EPCAM: variants seen among roughly 807,000 people sequenced by gnomAD.
The protein encoded by EPCAM is epithelial cell adhesion molecule.
EPCAM carries 39 observed loss-of-function variants against 40.0 expected under a neutral mutation model. The ratio of observed to expected loss-of-function variants is 0.98; its 90% CI spans 0.76 to 1.27. EPCAM has a LOEUF of 1.27. Ranked by LOEUF, EPCAM falls within the 50% of genes most tolerant of loss-of-function variation. The pLI, the probability that EPCAM is intolerant of heterozygous loss-of-function variation, is 0.00. For synonymous variants in EPCAM, 168 were observed against 132.3 expected (o/e 1.27, Z -1.85); for missense variants, 503 against 381.2 (o/e 1.32, Z -2.66).
chr2:47,385,570 C>A (rs1671723231), intron 8 of EPCAM, among the ~76,000 whole-genome samples: 1 of 152,276 alleles, frequency 6.6e-6, no homozygotes, highest in Admixed American at 6.5e-5. Flanking sequence ...GTGAAATAAT[C>A]ATTTAATATG....
chr2:47,370,354 T>C (rs1671224841), intron 1 of EPCAM, among the ~76,000 whole-genome samples: 1 of 147,900 alleles, frequency 6.8e-6, no homozygotes, highest in African/African-American at 2.5e-5. Flanking sequence ...TCACTGCAAC[T>C]TTCGCCTCCC....
At position 47,386,754 on chromosome 2, in the gene EPCAM, C is replaced by G; in HGVS notation, c.*141C>G. On this transcript the variant is annotated 3_prime_UTR_variant, in exon 9 of 9. Coordinates refer to ENST00000263735, the MANE Select transcript of EPCAM (RefSeq NM_002354.3). ...TATATTTGTAATAGTGAAACCTGTA[C>G]TCAAAATATAAGCAGCTTGAAACTG... 1.5e-6 allele frequency: 1 copy of G among 646,596 alleles called. No individual in the cohort carries two copies. The allele number at this position is 646,596 out of a possible 1,614,324, so 40.1% of individuals were successfully genotyped here.
intron 7 of EPCAM, among the ~76,000 whole-genome samples, chr2:47,380,465 A>G (rs1015483571): frequency 6.6e-6 from 1 of 152,214 alleles, no homozygotes; most frequent in Non-Finnish European, 1.5e-5. Context: ...TTATGAAGCA[A>G]GAAAGGATGC....
intron 7 of EPCAM, among the ~76,000 whole-genome samples, chr2:47,381,848 C>T (rs936759210): frequency 1.3e-5 from 2 of 152,130 alleles, no homozygotes; most frequent in Non-Finnish European, 2.9e-5. Flanking sequence ...CTCACTGCAA[C>T]CTCCAATTCC....
chr2:47,370,411 G>A (rs1326463789), intron 1 of EPCAM, among the ~76,000 whole-genome samples: 2 of 150,626 alleles, frequency 1.3e-5, no homozygotes, highest in Admixed American at 1.3e-4. Context: ...AGAGTAGCTG[G>A]GATTACAGGC....
At position 47,369,526 on chromosome 2, in the gene EPCAM, C is replaced by T. The variant is rs878854487; in HGVS notation, c.21C>T (p.Leu7=). MAPPQV[L]AFGLLLAAAT... Reference sequence around the variant, plus strand: ...GCAGCATGGCGCCCCCGCAGGTCCTCGCGTTCGGGCTTCTGCTTGCCGCGG... The same window carrying T: ...GCAGCATGGCGCCCCCGCAGGTCCTTGCGTTCGGGCTTCTGCTTGCCGCGG... The change falls in exon 1 of 9, where the codon CTC becomes CTT. Residue 7 remains leucine (L), a synonymous_variant. Transcript: ENST00000263735. 36 of 1,572,934 alleles carry T rather than the reference C, an allele frequency of 2.3e-5. No individual in the cohort carries two copies. The East Asian group carries it at 8.1e-4, about 36-fold the overall frequency.
chr2:47,381,228 C>T (rs1671580346), intron 7 of EPCAM, among the ~76,000 whole-genome samples: 1 of 150,688 alleles, frequency 6.6e-6, no homozygotes, highest in Non-Finnish European at 1.5e-5. Context: ...GAAACCCCAT[C>T]TCTACTAAAA....
intron 7 of EPCAM, among the ~76,000 whole-genome samples, chr2:47,383,851 G>A (rs891676533): frequency 6.6e-6 from 1 of 151,562 alleles, no homozygotes; most frequent in Non-Finnish European, 1.5e-5. Flanking sequence ...TGGCCAGGCT[G>A]ATCTCGAAAT....
intron 1 of EPCAM, 30 bp downstream of exon 1, chr2:47,369,611 A>C (rs1558432786): frequency 6.4e-7 from 1 of 1,571,354 alleles, no homozygotes. Flanking sequence ...AGAGTTGTGG[A>C]GCTGGGCTGG....
At position 47,371,583 on chromosome 2, in the gene EPCAM, A is replaced by T. The variant is rs796315968; in HGVS notation, c.77-1880A>T. On this transcript the variant is annotated intron_variant, in intron 1 of 8. Transcript: ENST00000263735. The stretch of plus-strand genomic sequence containing the variant: ...AGTCAACTCATGTTTTTCTGGCTTC[A>T]ATCTGGGACTACGTACTTAATGTTA... Among the ~76,000 whole-genome samples, 5 of 152,316 alleles carry T rather than the reference A, an allele frequency of 3.3e-5. 1 individual carries two copies. The highest frequency in any genetic ancestry group is 1.2e-4 in the African/African-American group (5 of 41,572).
At chr2:47,379,447 T>A (rs552390879) in intron 6 of EPCAM, among the ~76,000 whole-genome samples, 63 of 152,290 alleles carry the variant, frequency 4.1e-4, no homozygotes, top group South Asian at 2.5e-3. Flanking sequence ...TGCTGAAATA[T>A]GAGGTTTGCT....
intron 1 of EPCAM, 129 bp from the exon 2 acceptor site, chr2:47,373,334 C>A: frequency 5.1e-6 from 3 of 583,368 alleles, no homozygotes; most frequent in Non-Finnish European, 9.0e-6. Flanking sequence ...AAAAATAAAA[C>A]ATTCAGAACC....
chr2:47,373,220 A>AAAAC, intron 1 of EPCAM, among the ~76,000 whole-genome samples: 1 of 148,130 alleles, frequency 6.8e-6, no homozygotes, highest in East Asian at 2.1e-4. Flanking sequence ...AAAAAAAAAA[A>AAAAC]AAAAAAAAAA....
chr2:47,378,972 C>T lies in EPCAM; in HGVS notation c.575C>T (p.Thr192Ile), dbSNP rs771467736. ...CCCCAGTATGAGAATAATGTTATCACTATTGATCTGGTTCAAAATTCTTCT... is the reference window on the plus strand; with the variant it reads ...CCCCAGTATGAGAATAATGTTATCATTATTGATCTGGTTCAAAATTCTTCT... ...TSILYENNVI[T>I]IDLVQNSSQK... The change falls in exon 6 of 9, where the codon ACT becomes ATT. Residue 192 changes from threonine to isoleucine, a missense_variant. Coordinates refer to ENST00000263735, the MANE Select transcript of EPCAM (RefSeq NM_002354.3). 13 of 1,554,762 alleles carry T rather than the reference C, an allele frequency of 8.4e-6. No homozygotes were observed. The East Asian group carries it at 2.7e-4, about 32-fold the overall frequency.
intron 7 of EPCAM, among the ~76,000 whole-genome samples, chr2:47,384,438 G>C (rs1671682224): frequency 3.3e-5 from 5 of 151,584 alleles, no homozygotes; most frequent in Admixed American, 2.6e-4. Context: ...TTTAGAGATG[G>C]AGTCCCACTC....
At chr2:47,374,683 G>T (rs532339819) in intron 3 of EPCAM, among the ~76,000 whole-genome samples, 1 of 149,962 alleles carries the variant, frequency 6.7e-6, no homozygotes, top group Non-Finnish European at 1.5e-5. Context: ...CACTCTTGTT[G>T]CCCAGGTTGG....
chr2:47,370,067 C>T (rs1040801394), intron 1 of EPCAM, among the ~76,000 whole-genome samples: 35 of 152,224 alleles, frequency 2.3e-4, no homozygotes, highest in Non-Finnish European at 4.7e-4. Flanking sequence ...GGGAGGCCTC[C>T]AGGGCCGCTA....
At chr2:47,380,803 C>T (rs1359237640) in intron 7 of EPCAM, among the ~76,000 whole-genome samples, 1 of 152,046 alleles carries the variant, frequency 6.6e-6, no homozygotes, top group Non-Finnish European at 1.5e-5. Context: ...ATCTTACTAA[C>T]ACTGGCCAGG....
chr2:47,383,658 G>T (rs1465300139), intron 7 of EPCAM, among the ~76,000 whole-genome samples: 7 of 48,906 alleles, frequency 1.4e-4, no homozygotes, highest in Admixed American at 6.3e-4. Flanking sequence ...TTTTTGAGAT[G>T]GAGTCTTGCT....
Sources: gnomAD v4.1 joint callset for allele counts (sites outside exome capture counted in the v4.1 genomes callset) on GRCh38, gnomAD v4.1.1 for gene constraint, MANE v1.5 for transcripts, NCBI Gene and HGNC (gene_info 2026-07-23, HGNC 2026-07-21) for gene names.